Variants in DLG2 observed in about 807,000 individuals in gnomAD.
DLG2 encodes discs large MAGUK scaffold protein 2.
A neutral mutation model predicts 132.5 loss-of-function variants in DLG2; 45 were observed. That is an observed-to-expected ratio of 0.34 (90% CI 0.27 to 0.44). The LOEUF (loss-of-function observed/expected upper bound fraction) is 0.44, where lower values mean the gene tolerates loss of function less well. DLG2 is among the 20% of genes least tolerant of loss of function. The pLI is 1.00. For missense variants in DLG2, 1,045 were observed against 1,196.9 expected (o/e 0.87, Z 1.87); for synonymous variants, 424 against 419.6 (o/e 1.01, Z -0.13).
intron 6 of DLG2, among the ~76,000 whole-genome samples, chr11:84,638,998 C>G (rs1172573570): frequency 1.3e-5 from 2 of 152,180 alleles, no homozygotes; most frequent in Non-Finnish European, 2.9e-5. Context: ...CTGATAAAAT[C>G]TGAGAGCACT....
intron 6 of DLG2, among the ~76,000 whole-genome samples, chr11:85,071,815 C>CTT (rs2065903672): frequency 6.6e-6 from 1 of 151,796 alleles, no homozygotes; most frequent in African/African-American, 2.4e-5. Flanking sequence ...GCCTTGAAGC[C>CTT]AAAGAGTTCT....
chr11:84,971,306 T>A (rs2054066169), intron 6 of DLG2, among the ~76,000 whole-genome samples: 1 of 152,218 alleles, frequency 6.6e-6, no homozygotes, highest in Non-Finnish European at 1.5e-5. Context: ...AAGCTAGACA[T>A]GTAACGTTTC....
intron 3 of DLG2, among the ~76,000 whole-genome samples, chr11:85,474,801 C>G (rs1247535194): frequency 6.6e-6 from 1 of 150,990 alleles, no homozygotes; most frequent in Non-Finnish European, 1.5e-5. Flanking sequence ...TTAATTTATT[C>G]TATTTAATTT....
intron 10 of DLG2, among the ~76,000 whole-genome samples, chr11:84,098,654 G>T (rs755786325): frequency 6.6e-5 from 10 of 152,036 alleles, no homozygotes; most frequent in Non-Finnish European, 8.8e-5. Context: ...TAGACTGAAG[G>T]CCTCATCCAA....
At position 84,837,906 on chromosome 11, in the gene DLG2, G is replaced by A. The variant is rs551832431; in HGVS notation, c.357+273755C>T. Among the ~76,000 whole-genome samples the A allele has an allele frequency of 4.7e-4, 72 of 151,852 alleles. 1 individual carries two copies. Among genetic ancestry groups the A allele is most frequent in the Admixed American group, 1.1e-3 (17 of 15,210 alleles). On this transcript the variant is annotated intron_variant, in intron 6 of 27. Transcript: ENST00000376104. Reference sequence around the variant, plus strand: ...AATAACCTGGGAGCTTGTAAGAAATGCAAACTCCCAGGCCCCACACCAGAC... The same window carrying A: ...AATAACCTGGGAGCTTGTAAGAAATACAAACTCCCAGGCCCCACACCAGAC...
intron 17 of DLG2, among the ~76,000 whole-genome samples, chr11:83,817,831 GTGCTAC>G (rs2049487584): frequency 6.6e-6 from 1 of 152,156 alleles, no homozygotes; most frequent in African/African-American, 2.4e-5. Flanking sequence ...AGCTATGATT[GTGCTAC>G]TGCACAATCT....
At chr11:83,529,521 G>T (rs2095686818) in intron 21 of DLG2, among the ~76,000 whole-genome samples, 1 of 151,904 alleles carries the variant, frequency 6.6e-6, no homozygotes, top group South Asian at 2.1e-4. Context: ...TCCAGTAACT[G>T]CAAATAGAGA....
chr11:84,042,956 A>T (rs1039740170), intron 11 of DLG2, among the ~76,000 whole-genome samples: 3 of 151,670 alleles, frequency 2.0e-5, no homozygotes, highest in Non-Finnish European at 4.4e-5. Flanking sequence ...TGTATTCTTA[A>T]GATATTTTGG....
chr11:84,556,521 C>G (rs1282141524), intron 6 of DLG2, among the ~76,000 whole-genome samples: 1 of 152,054 alleles, frequency 6.6e-6, no homozygotes, highest in Non-Finnish European at 1.5e-5. Context: ...AGCTGATGAG[C>G]TAAAAATAAA....
At chr11:83,818,187 C>T (rs934520849) in intron 17 of DLG2, among the ~76,000 whole-genome samples, 1 of 152,140 alleles carries the variant, frequency 6.6e-6, no homozygotes, top group African/African-American at 2.4e-5. Context: ...CTCCTCATCC[C>T]GTTTATTCAG....
chr11:84,339,328 C>T (rs538835110), intron 7 of DLG2, among the ~76,000 whole-genome samples: 1 of 152,284 alleles, frequency 6.6e-6, no homozygotes, highest in Admixed American at 6.5e-5. Context: ...TCGTCATATC[C>T]TCAACATAAC....
chr11:83,662,470 A>G (rs2074529514), intron 18 of DLG2, among the ~76,000 whole-genome samples: 1 of 152,226 alleles, frequency 6.6e-6, no homozygotes, highest in African/African-American at 2.4e-5. Context: ...CTCTTGGGCC[A>G]ATATATAGAA....
rs531392025 is a variant in DLG2, at chr11:84,117,233, C to T, written c.625-18186G>A. On this transcript the variant is annotated intron_variant, in intron 9 of 27. Transcript: ENST00000376104. ...AGCAATTTATCTTTGGCTTTATGTT[C>T]GGAGTATATGTGTATTTGCCTTATT... is the stretch of plus-strand genomic sequence containing the variant. 6.6e-4 allele frequency among the ~76,000 whole-genome samples: 101 copies of T among 152,216 alleles called. 1 individual carries two copies. Among genetic ancestry groups the T allele is most frequent in the South Asian group, 1.0e-3 (5 of 4,824 alleles).
chr11:84,717,645 A>C (rs1043729336), intron 6 of DLG2, among the ~76,000 whole-genome samples: 7 of 152,086 alleles, frequency 4.6e-5, no homozygotes, highest in African/African-American at 1.7e-4. Context: ...AAGAAAAATA[A>C]CTTTGGGAAA....
At chr11:85,221,836 T>C (rs1045788945) in intron 4 of DLG2, among the ~76,000 whole-genome samples, 2 of 152,224 alleles carry the variant, frequency 1.3e-5, no homozygotes, top group African/African-American at 4.8e-5. Context: ...CTCTGGACTC[T>C]AGCACCTATT....
intron 6 of DLG2, among the ~76,000 whole-genome samples, chr11:84,747,908 A>G (rs1167900950): frequency 6.6e-6 from 1 of 152,204 alleles, no homozygotes; most frequent in East Asian, 1.9e-4. Context: ...GAAGGAGACA[A>G]CAGCCAGGCC....
intron 21 of DLG2, among the ~76,000 whole-genome samples, chr11:83,513,449 T>C (rs894040044): frequency 6.6e-6 from 1 of 152,238 alleles, no homozygotes; most frequent in Non-Finnish European, 1.5e-5. Flanking sequence ...GATGGGTAGA[T>C]TGCAAATATT....
intron 6 of DLG2, among the ~76,000 whole-genome samples, chr11:84,976,335 G>C (rs1464192723): frequency 6.6e-6 from 1 of 151,998 alleles, no homozygotes; most frequent in Non-Finnish European, 1.5e-5. Flanking sequence ...CAGTTGCCAG[G>C]GGGTATGCTG....
chr11:83,954,317 G>C (rs1483402), intron 14 of DLG2, among the ~76,000 whole-genome samples: 15,323 of 152,170 alleles, frequency 0.1, 852 homozygotes, highest in Non-Finnish European at 0.12. Flanking sequence ...TTCTATGAAT[G>C]ATTCTTCATG....
Sources: allele counts gnomAD v4.1 joint callset (sites outside exome capture counted in the v4.1 genomes callset), GRCh38; gene constraint gnomAD v4.1.1; transcripts MANE v1.5; gene names NCBI Gene and HGNC (gene_info 2026-07-23, HGNC 2026-07-21).